DZIP3: variants seen among roughly 807,000 people sequenced by gnomAD.
DZIP3 encodes the protein E3 ubiquitin-protein ligase DZIP3.
In DZIP3, 118 loss-of-function variants were observed where a neutral mutation model predicts 162.0. The observed-to-expected ratio is 0.73, with a 90% CI of 0.63 to 0.85. The LOEUF is 0.85. DZIP3 is among the 40% of genes least tolerant of loss of function. DZIP3 has a pLI of 0.00. For missense variants in DZIP3, 1,331 were observed against 1,407.0 expected (o/e 0.95, Z 0.86); for synonymous variants, 438 against 458.6 (o/e 0.96, Z 0.57).
At chr3:108,595,291 T>A (rs1304402918) in intron 1 of DZIP3, among the ~76,000 whole-genome samples, 1 of 152,168 alleles carries the variant, frequency 6.6e-6, no homozygotes. Flanking sequence ...GATTAATAGC[T>A]TATTGCAGCC....
chr3:108,675,855 CAA>C lies in DZIP3; in HGVS notation c.2764_2765del (p.Lys922AspfsTer10). ...ATGCCATTGTGGCAGATGTTAGAAA[CAA>C]GATTGCATTCCTCAGGGTAAGTCCT... ...WNAIVADVRN[K>X]IAFLRTQYNE... On this transcript the variant is annotated frameshift_variant, in exon 25 of 33. Transcript: ENST00000361582. LOFTEE classifies it high-confidence loss of function. 1 of 1,609,694 alleles carries C rather than the reference CAA, an allele frequency of 6.2e-7. No homozygotes were observed.
At chr3:108,631,055 A>ACACATACACTCTCT in intron 8 of DZIP3, among the ~76,000 whole-genome samples, 3 of 18,006 alleles carry the variant, frequency 1.7e-4, no homozygotes, top group Non-Finnish European at 1.8e-4. Context: ...ACACACACAC[A>ACACATACACTCTCT]CTCTCTCTCT....
chr3:108,688,243 A>C lies in DZIP3; in HGVS notation c.3270+147A>C, dbSNP rs1175191090. The C allele has an allele frequency of 4.8e-5, 50 of 1,045,574 alleles. No homozygotes were observed. The South Asian group carries it at 8.4e-4, about 18-fold the overall frequency. The allele number at this position is 1,045,574 out of a possible 1,614,324, so 64.8% of individuals were successfully genotyped here. On this transcript the variant is annotated intron_variant, in intron 29 of 32. Transcript: ENST00000361582. ...CTATTAACAGTAAATAACAACTTCA[A>C]CTTAACAAATGATATCAGAAGTCTT... is the stretch of plus-strand genomic sequence containing the variant.
intron 8 of DZIP3, among the ~76,000 whole-genome samples, chr3:108,630,657 A>T (rs1399264563): frequency 6.6e-6 from 1 of 152,050 alleles, no homozygotes; most frequent in Non-Finnish European, 1.5e-5. Flanking sequence ...CCTACTTTAC[A>T]AAGCAGTCCC....
chr3:108,688,753 T>C lies in DZIP3; in HGVS notation c.3414+17T>C, dbSNP rs763133524. 1.9e-6 allele frequency: 3 copies of C among 1,613,708 alleles called. No individual in the cohort carries two copies. Among genetic ancestry groups the C allele is most frequent in the African/African-American group, 2.7e-5 (2 of 74,880 alleles). On this transcript the variant is annotated intron_variant, in intron 30 of 32. Coordinates refer to ENST00000361582, the MANE Select transcript of DZIP3 (RefSeq NM_014648.4). ...AGTAATCCAGTGAGACTGAAATTTT[T>C]GATTCTGAACACATTTAGATTTGGG... is the stretch of plus-strand genomic sequence containing the variant.
At position 108,632,937 on chromosome 3, in the gene DZIP3, T is replaced by C; in HGVS notation, c.697-16T>C. On this transcript the variant is annotated splice_polypyrimidine_tract_variant and intron_variant, in intron 8 of 32. Transcript: ENST00000361582. ...ATTAGTAATTCATGAGAATTCTTTC[T>C]GTTTTTAAAATCTAGGATCTTCTTA... 1 of 1,335,896 alleles carries C rather than the reference T, an allele frequency of 7.5e-7. No homozygotes were observed. Among genetic ancestry groups the C allele is most frequent in the Non-Finnish European group, 1.0e-6 (1 of 995,682 alleles). The allele number at this position is 1,335,896 out of a possible 1,614,324, so 82.8% of individuals were successfully genotyped here.
intron 10 of DZIP3, chr3:108,635,246 T>C: frequency 4.1e-6 from 1 of 246,440 alleles, no homozygotes; most frequent in Non-Finnish European, 7.8e-6. Context: ...TTTCTATCAA[T>C]TTGTTCCCTT....
chr3:108,596,826 A>G (rs1939738347), intron 1 of DZIP3, among the ~76,000 whole-genome samples: 1 of 152,222 alleles, frequency 6.6e-6, no homozygotes, highest in Non-Finnish European at 1.5e-5. Context: ...TAGTGGGGAC[A>G]TGAAGCCAAA....
At chr3:108,665,999 A>G (rs1943659025) in intron 21 of DZIP3, among the ~76,000 whole-genome samples, 1 of 152,172 alleles carries the variant, frequency 6.6e-6, no homozygotes, top group Admixed American at 6.5e-5. Flanking sequence ...TATATATAGT[A>G]GAAGCTTGAG....
chr3:108,673,334 C>T (rs1221943637), intron 23 of DZIP3, among the ~76,000 whole-genome samples: 3 of 151,980 alleles, frequency 2.0e-5, no homozygotes, highest in South Asian at 2.1e-4. Flanking sequence ...ACCAAAAATT[C>T]GTGAAGAATA....
At position 108,677,560 on chromosome 3, in the gene DZIP3, G is replaced by A; in HGVS notation, c.2845G>A (p.Val949Ile). 6.2e-7 allele frequency: 1 copy of A among 1,612,688 alleles called. No individual in the cohort carries two copies. The highest frequency in any genetic ancestry group is 1.1e-5 in the South Asian group (1 of 91,056). The change falls in exon 26 of 33, where the codon GTC (valine) becomes ATC (isoleucine). Residue 949 changes from valine (V) to isoleucine (I), a missense_variant. Transcript: ENST00000361582. The stretch of plus-strand genomic sequence containing the variant: ...ATTTGCCTTGAGTACCTTGCCTCCA[G>A]TCCAGCTTCCTCCTCCACCACCCAG... Reference protein sequence around the residue: ...QGFALSTLPPVQLPPPPPSPE... With the variant: ...QGFALSTLPPIQLPPPPPSPE...
chr3:108,653,051 A>G (rs78522899), intron 18 of DZIP3, among the ~76,000 whole-genome samples: 5,834 of 151,990 alleles, frequency 0.038, 340 homozygotes, highest in African/African-American at 0.13. Flanking sequence ...AAATTCATCT[A>G]TATTTTTACA....
intron 9 of DZIP3, among the ~76,000 whole-genome samples, chr3:108,634,079 ATATCT>A (rs1942026089): frequency 1.3e-5 from 2 of 152,038 alleles, no homozygotes; most frequent in Non-Finnish European, 2.9e-5. Context: ...AAAATAACTG[ATATCT>A]TAATTGCGAG....
At chr3:108,670,278 C>T (rs1559774360) in intron 22 of DZIP3, among the ~76,000 whole-genome samples, 2 of 151,818 alleles carry the variant, frequency 1.3e-5, no homozygotes, top group South Asian at 2.1e-4. Flanking sequence ...AAAAGAAACC[C>T]ATTAGATGTC....
chr3:108,672,566 G>A lies in DZIP3; in HGVS notation c.2499G>A (p.Gln833=). The part of the protein sequence containing the change: ...LKEQLSMKRS[Q]WEMEKHNLES... The stretch of plus-strand genomic sequence containing the variant: ...TAATGATCATGTATTTCAGATCTCA[G>A]TGGGAAATGGAAAAACATAATCTGG... Residue 833 remains glutamine (Q), a synonymous_variant, in exon 23 of 33, where the codon CAG becomes CAA. Transcript: ENST00000361582. 6.2e-7 allele frequency: 1 copy of A among 1,611,280 alleles called. No homozygotes were observed. The highest frequency in any genetic ancestry group is 8.5e-7 in the Non-Finnish European group (1 of 1,178,122).
intron 21 of DZIP3, 30 bp from the exon 22 acceptor site, chr3:108,669,651 A>G (rs1238541317): frequency 6.3e-7 from 1 of 1,599,072 alleles, no homozygotes; most frequent in African/African-American, 1.3e-5. Flanking sequence ...AATTTCTAAC[A>G]TCTTTTGACT....
At chr3:108,625,050 G>A (rs541368791) in intron 6 of DZIP3, among the ~76,000 whole-genome samples, 25 of 152,146 alleles carry the variant, frequency 1.6e-4, no homozygotes, top group African/African-American at 5.5e-4. Context: ...GATAAGCAGC[G>A]AAACTGAAAA....
intron 9 of DZIP3, 52 bp downstream of exon 9, chr3:108,633,124 ATAT>A (rs1478599540): frequency 2.3e-6 from 2 of 873,478 alleles, no homozygotes; most frequent in Non-Finnish European, 1.5e-6. Flanking sequence ...GAAAAATTAT[ATAT>A]AACTATATAA....
intron 27 of DZIP3, among the ~76,000 whole-genome samples, chr3:108,684,577 T>C (rs1206123974): frequency 6.6e-6 from 1 of 152,150 alleles, no homozygotes; most frequent in African/African-American, 2.4e-5. Context: ...TACTAGAGAA[T>C]CCTTAAAATT....
Sources: allele counts gnomAD v4.1 joint callset (sites outside exome capture counted in the v4.1 genomes callset), GRCh38; gene constraint gnomAD v4.1.1; transcripts MANE v1.5; gene names NCBI Gene and HGNC (gene_info 2026-07-23, HGNC 2026-07-21).